The following CACNA1E variants were observed in gnomAD, a reference collection of about 807,000 sequenced individuals.
CACNA1E encodes the protein voltage-dependent R-type calcium channel subunit alpha-1E.
In CACNA1E, 40 loss-of-function variants were observed where a neutral mutation model predicts 259.2. That is an observed-to-expected ratio of 0.15 (90% CI 0.12 to 0.20). The LOEUF (loss-of-function observed/expected upper bound fraction) is 0.20. Ranked by LOEUF, CACNA1E falls within the 10% of genes least tolerant of loss-of-function variation. The pLI is 1.00. For missense variants in CACNA1E, 1,874 were observed against 3,040.1 expected, an observed-to-expected ratio of 0.62 and a Z score of 9.02; for synonymous variants, 1,104 against 1,138.5, an observed-to-expected ratio of 0.97 and a Z score of 0.61.
intron 24 of CACNA1E, 149 bp from the exon 25 acceptor site, chr1:181,738,998 G>T: frequency 1.5e-6 from 1 of 680,252 alleles, no homozygotes; most frequent in South Asian, 1.7e-5. Context: ...GAGAAAGCCT[G>T]CTGGACCTAA....
At chr1:181,641,859 A>G (rs1323174886) in intron 6 of CACNA1E, among the ~76,000 whole-genome samples, 2 of 151,550 alleles carry the variant, frequency 1.3e-5, no homozygotes, top group African/African-American at 2.4e-5. Context: ...GACTACAGGC[A>G]TGCGTCACCA....
At chr1:181,795,138 A>T (rs1043445487) in intron 46 of CACNA1E, 94 bp downstream of exon 46, 1 of 1,064,364 alleles carries the variant, frequency 9.4e-7, no homozygotes, top group Admixed American at 2.6e-5. Flanking sequence ...ACCAGAAAAG[A>T]ATTCAGAGAC....
chr1:181,464,400 C>A (rs1036470616), intron 2 of CACNA1E, among the ~76,000 whole-genome samples: 4 of 151,556 alleles, frequency 2.6e-5, no homozygotes, highest in African/African-American at 9.7e-5. Context: ...TTCTTAAAGT[C>A]CCTCAAGAGA....
At chr1:181,595,547 C>T (rs969675641) in intron 6 of CACNA1E, among the ~76,000 whole-genome samples, 4 of 152,202 alleles carry the variant, frequency 2.6e-5, no homozygotes, top group South Asian at 4.1e-4. Context: ...CTCCCCTTCC[C>T]GGGTCTCCCA....
rs181716577 is a variant in CACNA1E at position 181,485,678 on chromosome 1, T to A, written c.266+1668T>A. 6.6e-6 allele frequency among the ~76,000 whole-genome samples: 1 copy of A among 152,206 alleles called. No homozygotes were observed. Among genetic ancestry groups the A allele is most frequent in the East Asian group, 1.9e-4 (1 of 5,166 alleles). On this transcript the variant is annotated intron_variant, in intron 1 of 47. Transcript: ENST00000367573. This position sits in a 1 kb window ranked among gnomAD's most constrained non-coding sequence, Gnocchi z 4.2. ...GCTGCACAAAGCGGACAGATCTCAT[T>A]GTGTTGTGTGCTGCGGCTGCAAATA...
At chr1:181,709,794 G>A (rs776905023) in intron 7 of CACNA1E, among the ~76,000 whole-genome samples, 8 of 152,102 alleles carry the variant, frequency 5.3e-5, no homozygotes, top group Non-Finnish European at 1.0e-4. Flanking sequence ...TGCCTGGCCT[G>A]CAGCTCTTTA....
intron 6 of CACNA1E, among the ~76,000 whole-genome samples, chr1:181,621,819 G>C (rs1001739917): frequency 2.0e-5 from 3 of 152,124 alleles, no homozygotes; most frequent in Admixed American, 6.5e-5. Context: ...GTGACCTATT[G>C]TGCTACCTAG....
intron 21 of CACNA1E, among the ~76,000 whole-genome samples, chr1:181,735,254 C>T (rs1030521754): frequency 6.6e-6 from 1 of 152,208 alleles, no homozygotes; most frequent in African/African-American, 2.4e-5. Flanking sequence ...GTGTTTTGGG[C>T]CTTCTTTTAT....
chr1:181,397,717 T>A (rs1571763577), intron 1 of CACNA1E, among the ~76,000 whole-genome samples: 1 of 152,344 alleles, frequency 6.6e-6, no homozygotes, highest in East Asian at 1.9e-4. Context: ...CTCCAGGACC[T>A]GGTGTCCCTC....
chr1:181,419,069 C>T (rs1018951357), intron 2 of CACNA1E, among the ~76,000 whole-genome samples: 1 of 152,100 alleles, frequency 6.6e-6, no homozygotes, highest in Non-Finnish European at 1.5e-5. Context: ...CTCTGTTTCC[C>T]CAACTGCAGC....
chr1:181,622,551 G>A (rs78549037), intron 6 of CACNA1E, among the ~76,000 whole-genome samples: 32 of 152,078 alleles, frequency 2.1e-4, no homozygotes, highest in Admixed American at 7.2e-4. Context: ...CTTTTTCTGT[G>A]TGCATGCATC....
chr1:181,610,359 A>G (rs1654641241), intron 6 of CACNA1E, among the ~76,000 whole-genome samples: 1 of 152,208 alleles, frequency 6.6e-6, no homozygotes, highest in African/African-American at 2.4e-5. Flanking sequence ...TATCTTGGGT[A>G]ATTGGATGAT....
chr1:181,746,040 A>G (rs1321498783), intron 25 of CACNA1E, among the ~76,000 whole-genome samples: 3 of 152,228 alleles, frequency 2.0e-5, no homozygotes, highest in African/African-American at 7.2e-5. Context: ...CTTAGCATAG[A>G]GCTAGTGCTC....
chr1:181,706,561 A>C (rs1053816913), intron 7 of CACNA1E, among the ~76,000 whole-genome samples: 1 of 152,236 alleles, frequency 6.6e-6, no homozygotes, highest in Non-Finnish European at 1.5e-5. Flanking sequence ...TAGGTCTTTA[A>C]TAACCCAACA....
intron 1 of CACNA1E, among the ~76,000 whole-genome samples, chr1:181,510,243 T>A (rs556202263): frequency 3.3e-5 from 5 of 152,350 alleles, no homozygotes; most frequent in Admixed American, 3.3e-4. Flanking sequence ...CGTTCCTTTT[T>A]TGGAGAAGAT....
At chr1:181,763,116 T>G (rs1214748481) in intron 33 of CACNA1E, among the ~76,000 whole-genome samples, 1 of 152,134 alleles carries the variant, frequency 6.6e-6, no homozygotes, top group Non-Finnish European at 1.5e-5. Flanking sequence ...TTTTTGGCAT[T>G]TAAGTGCAGA....
chr1:181,738,934 G>A (rs1021792378), intron 24 of CACNA1E, among the ~76,000 whole-genome samples: 3 of 152,116 alleles, frequency 2.0e-5, no homozygotes, highest in South Asian at 4.1e-4. Flanking sequence ...CAACCAAGGA[G>A]TCTAGTGAAC....
chr1:181,780,551 C>T (rs1231319141), intron 38 of CACNA1E, among the ~76,000 whole-genome samples: 1 of 152,164 alleles, frequency 6.6e-6, no homozygotes, highest in Admixed American at 6.5e-5. Context: ...ATAGAGCTGG[C>T]CTGGGATGGT....
At chr1:181,697,400 T>G (rs1020899530) in intron 7 of CACNA1E, among the ~76,000 whole-genome samples, 1 of 152,214 alleles carries the variant, frequency 6.6e-6, no homozygotes, top group Non-Finnish European at 1.5e-5. Flanking sequence ...TATCAGGTAT[T>G]TTGTAGTTTT....
Sources: gnomAD v4.1 joint callset for allele counts (sites outside exome capture counted in the v4.1 genomes callset) on GRCh38, gnomAD v4.1.1 for gene constraint, Gnocchi (gnomAD v3.1) non-coding constraint, MANE v1.5 for transcripts, NCBI Gene and HGNC (gene_info 2026-07-23, HGNC 2026-07-21) for gene names.